Variants in MECOM observed in about 807,000 individuals in gnomAD.
MECOM encodes histone-lysine N-methyltransferase MECOM.
Under a neutral mutation model 116.3 loss-of-function variants are expected in MECOM, and 13 were observed. The ratio of observed to expected loss-of-function variants is 0.11; its 90% CI spans 0.07 to 0.18. MECOM has a LOEUF of 0.18. MECOM is among the 10% of genes least tolerant of loss of function. MECOM has a pLI of 1.00. For synonymous variants in MECOM, 528 were observed against 535.2 expected (o/e 0.99, Z 0.19); for missense variants, 1,299 against 1,509.0 (o/e 0.86, Z 2.31).
intron 2 of MECOM, among the ~76,000 whole-genome samples, chr3:169,179,390 T>G (rs1205148899): frequency 6.6e-6 from 1 of 152,186 alleles, no homozygotes; most frequent in African/African-American, 2.4e-5. Context: ...TAAACTCAAG[T>G]TGTCTAAGAT....
intron 1 of MECOM, among the ~76,000 whole-genome samples, chr3:169,644,966 C>A (rs901089005): frequency 6.6e-6 from 1 of 152,122 alleles, no homozygotes; most frequent in South Asian, 2.1e-4. Flanking sequence ...AGCCATTCTT[C>A]TTCGGCATAA....
intron 1 of MECOM, among the ~76,000 whole-genome samples, chr3:169,584,249 A>C (rs1156355800): frequency 6.6e-6 from 1 of 152,190 alleles, no homozygotes; most frequent in Non-Finnish European, 1.5e-5. Context: ...TGTTTTTTTA[A>C]GAAACAAAAT....
At chr3:169,382,974 G>A (rs902975817) in intron 1 of MECOM, among the ~76,000 whole-genome samples, 5 of 151,052 alleles carry the variant, frequency 3.3e-5, no homozygotes, top group African/African-American at 7.3e-5. Context: ...TCCCTAACTC[G>A]TGCATCAAGT....
Position 169,486,044 on chromosome 3 carries a change from T to C in MECOM, c.38-104520A>G, listed in dbSNP as rs1752339038. ...TATATATAGTATATATATATATGTA[T>C]ATATATATACACTATCCCAGAGACA... is the stretch of plus-strand genomic sequence containing the variant. On this transcript the variant is annotated intron_variant, in intron 1 of 16. Transcript: ENST00000651503. Among the ~76,000 whole-genome samples the C allele has an allele frequency of 2.9e-5, 4 of 138,846 alleles. 1 individual carries two copies. The highest frequency in any genetic ancestry group is 1.1e-4 in the African/African-American group (4 of 37,530). The allele number at this position is 138,846 out of a possible 152,430, so 91.1% of individuals were successfully genotyped here. A position where few individuals can be genotyped will look rare whatever the true frequency, so the allele number is the denominator to read the frequency against.
intron 3 of MECOM, among the ~76,000 whole-genome samples, chr3:169,136,636 T>C (rs1218628179): frequency 6.6e-6 from 1 of 152,032 alleles, no homozygotes; most frequent in East Asian, 1.9e-4. Context: ...CCTCTATCAT[T>C]AGTTTTTTCA....
intron 2 of MECOM, among the ~76,000 whole-genome samples, chr3:169,196,281 A>G (rs1422975335): frequency 2.0e-5 from 3 of 152,058 alleles, no homozygotes; most frequent in East Asian, 3.9e-4. Flanking sequence ...CTCAGCTATC[A>G]TATGTCCTGA....
chr3:169,409,596 A>G (rs1737230728), intron 1 of MECOM, among the ~76,000 whole-genome samples: 1 of 152,212 alleles, frequency 6.6e-6, no homozygotes, highest in Non-Finnish European at 1.5e-5. Flanking sequence ...GTTTTGTGTG[A>G]TGCAGTACTT....
At chr3:169,135,712 G>A (rs1407269913) in intron 3 of MECOM, among the ~76,000 whole-genome samples, 2 of 151,740 alleles carry the variant, frequency 1.3e-5, no homozygotes, top group African/African-American at 4.8e-5. Context: ...AATTTTCCCA[G>A]TATCTTGCTA....
At chr3:169,345,965 G>A (rs1181379718) in intron 2 of MECOM, among the ~76,000 whole-genome samples, 2 of 152,112 alleles carry the variant, frequency 1.3e-5, no homozygotes, top group East Asian at 3.9e-4. Flanking sequence ...ATAACACACA[G>A]ATGAACAAAT....
chr3:169,275,606 C>G (rs1221169733), intron 2 of MECOM, among the ~76,000 whole-genome samples: 3 of 152,162 alleles, frequency 2.0e-5, no homozygotes, highest in Non-Finnish European at 4.4e-5. Flanking sequence ...ATTTCACTCT[C>G]TTCTTTTTTC....
intron 1 of MECOM, among the ~76,000 whole-genome samples, chr3:169,659,317 C>T (rs1775941084): frequency 6.6e-6 from 1 of 151,804 alleles, no homozygotes; most frequent in South Asian, 2.1e-4. Flanking sequence ...GCAGTCCCTA[C>T]AAATAAAAAA....
At chr3:169,503,701 A>G (rs1195585774) in intron 1 of MECOM, among the ~76,000 whole-genome samples, 1 of 152,314 alleles carries the variant, frequency 6.6e-6, no homozygotes, top group East Asian at 1.9e-4. Context: ...ACAACCCAAT[A>G]GTGAAAGCAA....
chr3:169,243,267 G>A (rs1755117738), intron 2 of MECOM, among the ~76,000 whole-genome samples: 1 of 152,100 alleles, frequency 6.6e-6, no homozygotes, highest in East Asian at 1.9e-4. Flanking sequence ...ATTTGTATGT[G>A]GCTTGCAGTC....
intron 4 of MECOM, among the ~76,000 whole-genome samples, chr3:169,128,498 G>A (rs1206867842): frequency 2.6e-5 from 4 of 152,148 alleles, no homozygotes. Context: ...AGGGAGTATA[G>A]AGCTATGTGG....
At chr3:169,401,502 C>T (rs1735901416) in intron 1 of MECOM, among the ~76,000 whole-genome samples, 1 of 152,190 alleles carries the variant, frequency 6.6e-6, no homozygotes, top group African/African-American at 2.4e-5. Flanking sequence ...CACAGAGCAA[C>T]ATTTCAGTAG....
intron 2 of MECOM, among the ~76,000 whole-genome samples, chr3:169,265,902 T>C (rs553367679): frequency 2.2e-4 from 33 of 152,296 alleles, no homozygotes; most frequent in African/African-American, 7.7e-4. Flanking sequence ...TATTAAGCCA[T>C]TCTTTACTCA....
intron 1 of MECOM, among the ~76,000 whole-genome samples, chr3:169,532,733 C>A (rs535945722): frequency 6.6e-6 from 1 of 152,124 alleles, no homozygotes; most frequent in African/African-American, 2.4e-5. Context: ...TCGCTGGCTC[C>A]TCAGTTGCTT....
At position 169,204,699 on chromosome 3, in the gene MECOM, A is replaced by G. The variant is rs536619938; in HGVS notation, c.376-60867T>C. On this transcript the variant is annotated intron_variant, in intron 2 of 16. Coordinates refer to ENST00000651503, the MANE Select transcript of MECOM (RefSeq NM_004991.4). ...ACAGAGCTATTTACACAAGAAATTT[A>G]CAATGGCCTAAGACATTTTTATACT... Among the ~76,000 whole-genome samples, 22 of 152,334 alleles carry G rather than the reference A, an allele frequency of 1.4e-4. No homozygotes were observed. The South Asian group carries it at 4.6e-3, about 32-fold the overall frequency.
intron 1 of MECOM, among the ~76,000 whole-genome samples, chr3:169,594,178 A>AAAAAAAAACCAAAAAACACCTT (rs1553894686): frequency 2.2e-5 from 3 of 138,598 alleles, no homozygotes; most frequent in Admixed American, 7.2e-5. Flanking sequence ...AAAAAAAAAC[A>AAAAAAAAACCAAAAAACACCTT]CCTTTTCACC....
Sources: allele counts gnomAD v4.1 joint callset (sites outside exome capture counted in the v4.1 genomes callset), GRCh38; gene constraint gnomAD v4.1.1; transcripts MANE v1.5; gene names NCBI Gene and HGNC (gene_info 2026-07-23, HGNC 2026-07-21).